The following KIAA1328 variants were observed in gnomAD, a reference collection of about 807,000 sequenced individuals.
KIAA1328 encodes KIAA1328, also known as protein hinderin.
KIAA1328 carries 52 observed loss-of-function variants against 68.1 expected under a neutral mutation model. That is an observed-to-expected ratio of 0.76 (90% CI 0.61 to 0.96). The LOEUF (loss-of-function observed/expected upper bound fraction) is 0.96. Ranked by LOEUF, KIAA1328 falls within the 40% of genes least tolerant of loss-of-function variation. KIAA1328 has a pLI of 0.00. For synonymous variants in KIAA1328, 232 were observed against 239.4 expected (o/e 0.97, Z 0.28); for missense variants, 641 against 677.6 (o/e 0.95, Z 0.60).
intron 7 of KIAA1328, chr18:37,074,682 T>C (rs2056651751): frequency 6.5e-6 from 1 of 153,624 alleles, no homozygotes; most frequent in African/African-American, 2.4e-5. Context: ...GTTATTCTAG[T>C]TATACATTCA....
intron 6 of KIAA1328, among the ~76,000 whole-genome samples, chr18:37,037,917 C>T (rs575191159): frequency 4.6e-5 from 7 of 151,958 alleles, no homozygotes; most frequent in African/African-American, 7.2e-5. Flanking sequence ...CTGGCTAGCA[C>T]GGTGAAGCCT....
rs548780437 is a variant in KIAA1328 at position 37,006,004 on chromosome 18, A to G, written c.576+46569A>G. 1.2e-4 allele frequency among the ~76,000 whole-genome samples: 18 copies of G among 152,150 alleles called. No homozygotes were observed. In the East Asian group the frequency reaches 2.7e-3, roughly 23 times the overall value. ...AGTTGGTTAAAGGGTACAATACAGT[A>G]AGTTAGAAGGAGTAAATTCAGTGTT... On this transcript the variant is annotated intron_variant, in intron 6 of 9. Coordinates refer to ENST00000280020, the MANE Select transcript of KIAA1328 (RefSeq NM_020776.3).
At chr18:36,891,196 A>C (rs1332904628) in intron 5 of KIAA1328, among the ~76,000 whole-genome samples, 1 of 152,266 alleles carries the variant, frequency 6.6e-6, no homozygotes, top group Non-Finnish European at 1.5e-5. Context: ...ACACACCAGA[A>C]TAAACCCTAA....
chr18:37,090,841 T>C (rs2057246673), intron 7 of KIAA1328, among the ~76,000 whole-genome samples: 1 of 152,182 alleles, frequency 6.6e-6, no homozygotes, highest in Non-Finnish European at 1.5e-5. Context: ...GGAGCACTAA[T>C]TTTTTAAATC....
intron 6 of KIAA1328, among the ~76,000 whole-genome samples, chr18:37,016,320 C>A (rs1351935221): frequency 6.6e-6 from 1 of 152,096 alleles, no homozygotes; most frequent in Non-Finnish European, 1.5e-5. Context: ...ATTTGTTGAA[C>A]CAACCTTGCA....
At position 37,165,506 on chromosome 18, in the gene KIAA1328, A is replaced by G. The variant is rs971346532; in HGVS notation, c.1414+5125A>G. On this transcript the variant is annotated intron_variant, in intron 8 of 9. Coordinates refer to ENST00000280020, the MANE Select transcript of KIAA1328 (RefSeq NM_020776.3). ...GCTATATCGGTTCACTGCAGCCTCC[A>G]CCTCCTAGGTTCAAGCAGTTCTCCC... 2.0e-5 allele frequency among the ~76,000 whole-genome samples: 3 copies of G among 149,392 alleles called. No individual in the cohort carries two copies. In the South Asian group the frequency reaches 6.4e-4, roughly 32 times the overall value.
chr18:37,147,051 C>T (rs2058919192), intron 7 of KIAA1328, among the ~76,000 whole-genome samples: 1 of 152,148 alleles, frequency 6.6e-6, no homozygotes, highest in Non-Finnish European at 1.5e-5. Context: ...CTTCCCACCT[C>T]TCACCATGTA....
At chr18:37,080,142 C>A (rs143309101) in intron 7 of KIAA1328, among the ~76,000 whole-genome samples, 120 of 152,128 alleles carry the variant, frequency 7.9e-4, no homozygotes, top group African/African-American at 2.8e-3. Flanking sequence ...TTTTTAACTT[C>A]TAAAAATGTA....
chr18:37,133,223 T>A (rs2058563436), intron 7 of KIAA1328, among the ~76,000 whole-genome samples: 1 of 151,730 alleles, frequency 6.6e-6, no homozygotes, highest in Non-Finnish European at 1.5e-5. Context: ...TCCCAGCTAC[T>A]TGGGAGGCTG....
At chr18:37,176,930 T>C (rs2059607295) in intron 9 of KIAA1328, among the ~76,000 whole-genome samples, 1 of 152,170 alleles carries the variant, frequency 6.6e-6, no homozygotes, top group Admixed American at 6.5e-5. Flanking sequence ...ATACAGGAAA[T>C]ATATAACACT....
In KIAA1328 at chr18:37,085,111, G is replaced by A. The variant is rs151218100; in HGVS notation, c.1232+17566G>A. 2.0e-5 allele frequency among the ~76,000 whole-genome samples: 3 copies of A among 152,258 alleles called. No individual in the cohort carries two copies. In the East Asian group the frequency reaches 5.8e-4, roughly 29 times the overall value. On this transcript the variant is annotated intron_variant, in intron 7 of 9. Transcript: ENST00000280020. ...GGCTTTGTGGACTGACCTGGCTCTGGGCTGGTCTGGAATCTGAGGCAGGCC... is the reference window on the plus strand; with the variant it reads ...GGCTTTGTGGACTGACCTGGCTCTGAGCTGGTCTGGAATCTGAGGCAGGCC...
rs148987964 is a variant in KIAA1328, at chr18:37,103,957, A to G, written c.1232+36412A>G. Among the ~76,000 whole-genome samples, 636 of 152,230 alleles carry G rather than the reference A, an allele frequency of 4.2e-3. 11 individuals carry two copies. The highest frequency in any genetic ancestry group is 5.3e-3 in the Non-Finnish European group (359 of 68,004). ...AATCATCAGGGAAATGCAAATTAAA[A>G]CCACAGTGAAGTATCATCTCACCCC... On this transcript the variant is annotated intron_variant, in intron 7 of 9. Coordinates refer to ENST00000280020, the MANE Select transcript of KIAA1328 (RefSeq NM_020776.3).
intron 7 of KIAA1328, among the ~76,000 whole-genome samples, chr18:37,082,188 T>TG (rs1247449025): frequency 1.3e-5 from 2 of 148,586 alleles, no homozygotes; most frequent in Non-Finnish European, 3.0e-5. Context: ...TTTTTTTTTT[T>TG]GGATACAGCA....
chr18:37,096,893 T>C lies in KIAA1328; in HGVS notation c.1232+29348T>C, dbSNP rs180952985. Among the ~76,000 whole-genome samples, 717 of 152,386 alleles carry C rather than the reference T, an allele frequency of 4.7e-3. 6 individuals are homozygous for C. Among genetic ancestry groups the C allele is most frequent in the African/African-American group, 0.017 (692 of 41,596 alleles). On this transcript the variant is annotated intron_variant, in intron 7 of 9. Transcript: ENST00000280020. ...TCTTCTTTTGAGAAGTGTCTGTTCA[T>C]TTCCTTCACCCACTTTTTGTTGGGG...
chr18:37,091,875 C>T (rs527634704), intron 7 of KIAA1328, among the ~76,000 whole-genome samples: 61 of 152,304 alleles, frequency 4.0e-4, no homozygotes, highest in African/African-American at 1.1e-3. Context: ...CCAAAGCATG[C>T]GCTCCCCATA....
chr18:37,150,189 A>G (rs2058996693), intron 7 of KIAA1328, among the ~76,000 whole-genome samples: 1 of 152,190 alleles, frequency 6.6e-6, no homozygotes, highest in Admixed American at 6.5e-5. Flanking sequence ...TATAGAAGAA[A>G]TAATATCAAT....
intron 5 of KIAA1328, 172 bp downstream of exon 5, chr18:36,885,844 G>A (rs2048483009): frequency 3.8e-6 from 2 of 527,326 alleles, no homozygotes; most frequent in Non-Finnish European, 6.7e-6. Context: ...AGCCTCCCGA[G>A]TAGCTGGGAT....
At chr18:37,096,831 T>C (rs1039997161) in intron 7 of KIAA1328, among the ~76,000 whole-genome samples, 8 of 152,374 alleles carry the variant, frequency 5.3e-5, no homozygotes, top group African/African-American at 1.4e-4. Context: ...CCAGTGATGA[T>C]GAGCATTTTT....
chr18:37,107,916 G>A (rs2057819658), intron 7 of KIAA1328, among the ~76,000 whole-genome samples: 1 of 151,374 alleles, frequency 6.6e-6, no homozygotes, highest in Non-Finnish European at 1.5e-5. Context: ...TGGAACACAT[G>A]TACACTGTTA....
Sources: allele counts gnomAD v4.1 joint callset (sites outside exome capture counted in the v4.1 genomes callset), GRCh38; gene constraint gnomAD v4.1.1; transcripts MANE v1.5; gene names NCBI Gene and HGNC (gene_info 2026-07-23, HGNC 2026-07-21).